The following SLC25A25 variants were observed in gnomAD, a reference collection of about 807,000 sequenced individuals.
The protein encoded by SLC25A25 is solute carrier family 25 member 25, also known as mitochondrial adenyl nucleotide antiporter SLC25A25.
SLC25A25 carries 32 observed loss-of-function variants against 57.7 expected under a neutral mutation model. That is an observed-to-expected ratio of 0.55 (90% confidence interval 0.42 to 0.74). SLC25A25 has a LOEUF of 0.74. Ranked by LOEUF, SLC25A25 falls within the 30% of genes least tolerant of loss-of-function variation. The pLI is 0.00. For synonymous variants in SLC25A25, 306 were observed against 291.2 expected, an observed-to-expected ratio of 1.05 and a Z score of -0.52; for missense variants, 556 against 701.3, an observed-to-expected ratio of 0.79 and a Z score of 2.34.
At chr9:128,091,441 C>G (rs530740392) in intron 1 of SLC25A25, 1 of 985,728 alleles carries the variant, frequency 1.0e-6, no homozygotes, top group East Asian at 1.1e-4. Flanking sequence ...ACTGGATGCT[C>G]GGGTCCTCGG....
At chr9:128,100,416 C>T (rs948522113) in intron 1 of SLC25A25, among the ~76,000 whole-genome samples, 1 of 152,122 alleles carries the variant, frequency 6.6e-6, no homozygotes, top group African/African-American at 2.4e-5. Context: ...CACTAAAGTG[C>T]TTTTCAGTGA....
chr9:128,083,464 TC>T (rs1397863248), intron 1 of SLC25A25, among the ~76,000 whole-genome samples: 1 of 151,672 alleles, frequency 6.6e-6, no homozygotes. Context: ...TTACTACTCT[TC>T]CCTCTCATGG....
At chr9:128,074,268 C>G (rs1832963867) in intron 1 of SLC25A25, among the ~76,000 whole-genome samples, 2 of 151,662 alleles carry the variant, frequency 1.3e-5, no homozygotes, top group African/African-American at 4.8e-5. Context: ...TCTCGAACTC[C>G]TGACCTCAGG....
Position 128,095,901 on chromosome 9 carries a change from TA to T in SLC25A25, c.262-5191del, listed in dbSNP as rs1833544150. Among the ~76,000 whole-genome samples, 1 of 152,244 alleles carries T rather than the reference TA, an allele frequency of 6.6e-6. No individual in the cohort carries two copies. Among genetic ancestry groups the T allele is most frequent in the Non-Finnish European group, 1.5e-5 (1 of 68,040 alleles). Reference sequence around the variant, plus strand: ...CAGATTTCTTTTGTTAAATACATTATAAAACTCAATGGTACAGTAATATGTG... The same window carrying T: ...CAGATTTCTTTTGTTAAATACATTATAAACTCAATGGTACAGTAATATGTG... On this transcript the variant is annotated intron_variant, in intron 1 of 10. Coordinates refer to ENST00000373069, the MANE Select transcript of SLC25A25 (RefSeq NM_001330988.2). The surrounding 1 kb of genome is among the most constrained non-coding windows in gnomAD (Gnocchi z 4.4).
intron 1 of SLC25A25, among the ~76,000 whole-genome samples, chr9:128,071,773 A>G (rs546373624): frequency 3.2e-4 from 48 of 151,626 alleles, no homozygotes; most frequent in African/African-American, 1.2e-3. Flanking sequence ...CTGGAGTGCG[A>G]TGGTGTGATT....
intron 1 of SLC25A25, chr9:128,098,463 C>A: frequency 6.7e-7 from 1 of 1,489,876 alleles, no homozygotes; most frequent in Non-Finnish European, 8.9e-7. Context: ...CAGCCAATGA[C>A]AGCTGAGGCC....
intron 1 of SLC25A25, among the ~76,000 whole-genome samples, chr9:128,076,538 T>C (rs1833020553): frequency 6.6e-6 from 1 of 151,176 alleles, no homozygotes; most frequent in South Asian, 2.1e-4. Flanking sequence ...TGATCTCAGC[T>C]CACTACAAGC....
chr9:128,090,697 G>A (rs1833382622), intron 1 of SLC25A25, among the ~76,000 whole-genome samples: 1 of 152,070 alleles, frequency 6.6e-6, no homozygotes, highest in Non-Finnish European at 1.5e-5. Flanking sequence ...TGTAATCCCA[G>A]GTACTTGGGA....
At chr9:128,077,536 C>T (rs75157694) in intron 1 of SLC25A25, among the ~76,000 whole-genome samples, 1,540 of 133,422 alleles carry the variant, frequency 0.012, 39 homozygotes, top group African/African-American at 0.046. Context: ...AAAAGCCAGT[C>T]GCAAAGATCA....
intron 1 of SLC25A25, among the ~76,000 whole-genome samples, chr9:128,084,550 G>A (rs752614011): frequency 3.9e-5 from 6 of 152,094 alleles, no homozygotes; most frequent in Non-Finnish European, 8.8e-5. Flanking sequence ...ACCCACCTAT[G>A]ATCTGGAAGC....
intron 1 of SLC25A25, among the ~76,000 whole-genome samples, chr9:128,097,692 G>A (rs988207894): frequency 1.3e-5 from 2 of 152,244 alleles, no homozygotes; most frequent in African/African-American, 4.8e-5. Flanking sequence ...GGGCGTTGAA[G>A]ACTGTGGGTC....
rs1230075022 is a variant in SLC25A25 at position 128,099,462 on chromosome 9, C to T, written c.262-1634C>T. The T allele has an allele frequency of 8.1e-6, 9 of 1,110,442 alleles. No individual in the cohort carries two copies. Among genetic ancestry groups the T allele is most frequent in the Middle Eastern group, 3.1e-4 (1 of 3,226 alleles). 68.8% of individuals were successfully genotyped at this position (1,110,442 alleles called of 1,614,324 possible). ...GCATGTGGCTCACCCTGGCAGCAGG[C>T]GGCTGGGTCCCAGAGGGCTCCATGC... is the stretch of plus-strand genomic sequence containing the variant. On this transcript the variant is annotated intron_variant, in intron 1 of 10. Coordinates refer to ENST00000373069, the MANE Select transcript of SLC25A25 (RefSeq NM_001330988.2). This position sits in a 1 kb window ranked among gnomAD's most constrained non-coding sequence, Gnocchi z 6.8.
chr9:128,082,720 A>G (rs1229285406), intron 1 of SLC25A25, among the ~76,000 whole-genome samples: 1 of 152,078 alleles, frequency 6.6e-6, no homozygotes, highest in Non-Finnish European at 1.5e-5. Context: ...ATCTTGGCTC[A>G]CTGCAACCTC....
At chr9:128,084,442 C>T (rs1448028881) in intron 1 of SLC25A25, among the ~76,000 whole-genome samples, 1 of 151,978 alleles carries the variant, frequency 6.6e-6, no homozygotes, top group Non-Finnish European at 1.5e-5. Context: ...GGATTACAGG[C>T]GTGAGCCACC....
chr9:128,106,982 T>G, intron 9 of SLC25A25, 47 bp from the exon 10 acceptor site: 1 of 1,585,576 alleles, frequency 6.3e-7, no homozygotes, highest in African/African-American at 1.3e-5. Flanking sequence ...TCTTGCTGCC[T>G]CACTAGCCCT....
At chr9:128,075,605 G>A (rs1057443322) in intron 1 of SLC25A25, among the ~76,000 whole-genome samples, 11 of 152,184 alleles carry the variant, frequency 7.2e-5, no homozygotes, top group African/African-American at 2.7e-4. Flanking sequence ...ACTTTGGGAG[G>A]CTGAGGCAGG....
Position 128,103,693 on chromosome 9 carries a change from G to A in SLC25A25, c.637G>A (p.Gly213Ser). The change falls in exon 6 of 11, where the codon GGT becomes AGT. Residue 213 changes from glycine to serine, a missense_variant. By Grantham distance (56) the Gly-to-Ser change is moderately conservative (BLOSUM62 0). Coordinates refer to ENST00000373069, the MANE Select transcript of SLC25A25 (RefSeq NM_001330988.2). This position sits in a 1 kb window ranked among gnomAD's most constrained non-coding sequence, Gnocchi z 6.7. ...TCTTTCCTCACAGATCTTTGATGTG[G>A]GTGAGAATCTAACGGTCCCGGATGA... ...YWKHSTIFDV[G>S]ENLTVPDEFT... The A allele has an allele frequency of 1.9e-6, 3 of 1,614,192 alleles. No individual in the cohort carries two copies. The highest frequency in any genetic ancestry group is 2.5e-6 in the Non-Finnish European group (3 of 1,180,028).
chr9:128,076,714 C>T (rs1282358495), intron 1 of SLC25A25, among the ~76,000 whole-genome samples: 2 of 152,012 alleles, frequency 1.3e-5, no homozygotes, highest in African/African-American at 4.8e-5. Context: ...GTGATCCACC[C>T]GCCTCAGCCT....
At chr9:128,096,894 G>C (rs530116239) in intron 1 of SLC25A25, among the ~76,000 whole-genome samples, 1 of 152,212 alleles carries the variant, frequency 6.6e-6, no homozygotes. Context: ...GGATAATCCA[G>C]TGCGACCTCA....
Sources: allele counts gnomAD v4.1 joint callset (sites outside exome capture counted in the v4.1 genomes callset), GRCh38; gene constraint gnomAD v4.1.1; non-coding constraint Gnocchi (gnomAD v3.1); transcripts MANE v1.5; gene names NCBI Gene and HGNC (gene_info 2026-07-23, HGNC 2026-07-21).